The following NRXN3 variants were observed in gnomAD, a reference collection of about 807,000 sequenced individuals.
The protein encoded by NRXN3 is neurexin III.
Under a neutral mutation model 137.6 loss-of-function variants are expected in NRXN3, and 32 were observed. The ratio of observed to expected loss-of-function variants is 0.23; its 90% CI spans 0.18 to 0.31. The LOEUF (loss-of-function observed/expected upper bound fraction) is 0.31, where lower values mean the gene tolerates loss of function less well. Ranked by LOEUF, NRXN3 falls within the 10% of genes least tolerant of loss-of-function variation. NRXN3 has a pLI of 1.00. For missense variants in NRXN3, 1,574 were observed against 2,062.5 expected, an observed-to-expected ratio of 0.76 and a Z score of 4.59; for synonymous variants, 798 against 784.5, an observed-to-expected ratio of 1.02 and a Z score of -0.29.
At chr14:79,690,236 T>A (rs1014401744) in intron 17 of NRXN3, among the ~76,000 whole-genome samples, 2 of 152,162 alleles carry the variant, frequency 1.3e-5, no homozygotes, top group Admixed American at 1.3e-4. Flanking sequence ...TCTTTTTCTA[T>A]GAAAACGTCT....
At chr14:78,552,343 A>G (rs2096700134) in intron 4 of NRXN3, among the ~76,000 whole-genome samples, 1 of 152,204 alleles carries the variant, frequency 6.6e-6, no homozygotes, top group East Asian at 1.9e-4. Context: ...CTCAACACAC[A>G]GGATGGTGAT....
At chr14:78,203,824 G>GTGTGTGTGTGGTT (rs2061913540) in intron 1 of NRXN3, among the ~76,000 whole-genome samples, 1 of 97,036 alleles carries the variant, frequency 1.0e-5, no homozygotes, top group African/African-American at 5.0e-5. Context: ...GTGTGTGTGT[G>GTGTGTGTGTGGTT]TGTGTGTGTG....
chr14:78,471,466 T>C (rs190635779), intron 4 of NRXN3, among the ~76,000 whole-genome samples: 2 of 152,292 alleles, frequency 1.3e-5, no homozygotes, highest in East Asian at 3.9e-4. Flanking sequence ...GACATTTTCT[T>C]GGTCTAACCT....
intron 4 of NRXN3, among the ~76,000 whole-genome samples, chr14:78,300,097 G>GA (rs144657218): frequency 0.047 from 7,113 of 151,936 alleles, 510 homozygotes; most frequent in African/African-American, 0.16. Flanking sequence ...CCTTCAACAT[G>GA]AAAAAAGGAG....
intron 4 of NRXN3, among the ~76,000 whole-genome samples, chr14:78,410,916 C>T (rs1343412293): frequency 6.6e-6 from 1 of 152,142 alleles, no homozygotes; most frequent in Non-Finnish European, 1.5e-5. Context: ...GTGATTTCTT[C>T]CCTTGGCCCT....
intron 15 of NRXN3, among the ~76,000 whole-genome samples, chr14:79,019,308 T>A (rs2099584850): frequency 6.6e-6 from 1 of 152,248 alleles, no homozygotes; most frequent in Non-Finnish European, 1.5e-5. Context: ...GCAACTGCTC[T>A]TATTATTTGC....
intron 19 of NRXN3, among the ~76,000 whole-genome samples, chr14:79,713,474 T>TAA (rs2098812495): frequency 1.7e-5 from 2 of 117,986 alleles, no homozygotes; most frequent in African/African-American, 7.1e-5. Flanking sequence ...GAGATATATA[T>TAA]AATGTATATA....
rs372953073 is a variant in NRXN3 at position 79,249,760 on chromosome 14, T to C, written c.3263-217461T>C. 1.5e-3 allele frequency among the ~76,000 whole-genome samples: 228 copies of C among 152,314 alleles called. 4 individuals are homozygous for C. The South Asian group carries it at 0.029, about 19-fold the overall frequency. On this transcript the variant is annotated intron_variant, in intron 15 of 20. Coordinates refer to ENST00000335750, the MANE Select transcript of NRXN3 (RefSeq NM_001330195.2). ...CTTATGATGTGATCTATACAGCTTATAGCAGTCAGCCTTTCTAGTGGGCAG... is the reference window on the plus strand; with the variant it reads ...CTTATGATGTGATCTATACAGCTTACAGCAGTCAGCCTTTCTAGTGGGCAG...
chr14:79,195,433 C>T (rs920261091), intron 15 of NRXN3, among the ~76,000 whole-genome samples: 1 of 152,168 alleles, frequency 6.6e-6, no homozygotes, highest in African/African-American at 2.4e-5. Flanking sequence ...TACCCACCAG[C>T]CCACGAGTAT....
At chr14:78,201,860 G>A (rs572453199) in intron 1 of NRXN3, among the ~76,000 whole-genome samples, 12 of 152,262 alleles carry the variant, frequency 7.9e-5, no homozygotes, top group African/African-American at 2.9e-4. Context: ...CCGATGACGC[G>A]CGTCTGAAGT....
chr14:78,239,562 A>G (rs1183710948), intron 1 of NRXN3, among the ~76,000 whole-genome samples: 1 of 152,036 alleles, frequency 6.6e-6, no homozygotes, highest in East Asian at 1.9e-4. Flanking sequence ...CTCCGCTCCA[A>G]CAGCACCTAC....
At chr14:78,866,637 A>T (rs1413011427) in intron 10 of NRXN3, among the ~76,000 whole-genome samples, 1 of 152,016 alleles carries the variant, frequency 6.6e-6, no homozygotes, top group Non-Finnish European at 1.5e-5. Context: ...GTTCCTACTG[A>T]TAGATTAACC....
At chr14:79,335,471 G>A (rs2153345481) in intron 15 of NRXN3, among the ~76,000 whole-genome samples, 1 of 151,972 alleles carries the variant, frequency 6.6e-6, no homozygotes, top group Admixed American at 6.5e-5. Flanking sequence ...ATTTCTGCGT[G>A]TTCACACCCC....
intron 15 of NRXN3, among the ~76,000 whole-genome samples, chr14:79,017,452 T>C (rs1205921660): frequency 6.6e-6 from 1 of 151,964 alleles, no homozygotes; most frequent in Non-Finnish European, 1.5e-5. Context: ...ATCAACTTTA[T>C]ACATTGGACC....
At chr14:78,741,143 G>C (rs1337159945) in intron 8 of NRXN3, among the ~76,000 whole-genome samples, 1 of 152,172 alleles carries the variant, frequency 6.6e-6, no homozygotes, top group Non-Finnish European at 1.5e-5. Context: ...ACTGTTGTAG[G>C]TTTCATGGAA....
chr14:78,419,955 G>GCGTA (rs1555518553), intron 4 of NRXN3, among the ~76,000 whole-genome samples: 1 of 148,998 alleles, frequency 6.7e-6, no homozygotes, highest in Non-Finnish European at 1.5e-5. Flanking sequence ...GCGCGCGCGC[G>GCGTA]CGCACGCACA....
chr14:79,343,817 T>C (rs1376387250), intron 15 of NRXN3, among the ~76,000 whole-genome samples: 1 of 152,156 alleles, frequency 6.6e-6, no homozygotes, highest in Non-Finnish European at 1.5e-5. Context: ...TTTTCCCTTT[T>C]TTGAGGAGAT....
intron 15 of NRXN3, among the ~76,000 whole-genome samples, chr14:79,144,188 A>G (rs1442686865): frequency 6.6e-6 from 1 of 152,196 alleles, no homozygotes; most frequent in Non-Finnish European, 1.5e-5. Flanking sequence ...TATTTGGACA[A>G]CATAGAAATT....
intron 14 of NRXN3, among the ~76,000 whole-genome samples, chr14:78,973,310 C>T (rs2099450739): frequency 6.6e-6 from 1 of 152,052 alleles, no homozygotes. Flanking sequence ...AAAAAAAAGG[C>T]CAAGGCCAGC....
Sources: gnomAD v4.1 joint callset for allele counts (sites outside exome capture counted in the v4.1 genomes callset) on GRCh38, gnomAD v4.1.1 for gene constraint, MANE v1.5 for transcripts, NCBI Gene and HGNC (gene_info 2026-07-23, HGNC 2026-07-21) for gene names.